The following SLC25A36 variants were observed in gnomAD, a reference collection of about 807,000 sequenced individuals.
The protein encoded by SLC25A36 is epididymis secretory sperm binding protein.
Under a neutral mutation model 35.3 loss-of-function variants are expected in SLC25A36, and 24 were observed. The ratio of observed to expected loss-of-function variants is 0.68; its 90% confidence interval spans 0.49 to 0.96. SLC25A36 has a LOEUF of 0.96. SLC25A36 is among the 40% of genes least tolerant of loss of function. The probability of loss-of-function intolerance (pLI) is 0.00; values close to 1 mark genes in which losing one functional copy is unlikely to be tolerated. For missense variants in SLC25A36, 294 were observed against 381.1 expected (o/e 0.77, Z 1.90); for synonymous variants, 141 against 132.2 (o/e 1.07, Z -0.46).
chr3:140,969,199 C>T (rs1266376435), intron 4 of SLC25A36, among the ~76,000 whole-genome samples: 1 of 151,766 alleles, frequency 6.6e-6, no homozygotes, highest in African/African-American at 2.4e-5. Flanking sequence ...AAATAATACT[C>T]TATAACTTTA....
chr3:140,943,264 A>C (rs1235827815), intron 1 of SLC25A36, among the ~76,000 whole-genome samples: 1 of 152,218 alleles, frequency 6.6e-6, no homozygotes, highest in East Asian at 1.9e-4. Context: ...AGAAATACAC[A>C]CGCAGTTCTA....
chr3:140,948,775 T>G lies in SLC25A36; in HGVS notation c.41+6680T>G, dbSNP rs142485266. On this transcript the variant is annotated intron_variant, in intron 1 of 6. Transcript: ENST00000324194. ...ACATATATCTAACAGTGCCTTGGAT[T>G]TTTTCCAGTCCTTTTAAAGCTGGGG... is the stretch of plus-strand genomic sequence containing the variant. 9.1e-3 allele frequency among the ~76,000 whole-genome samples: 1,389 copies of G among 152,308 alleles called. 10 individuals are homozygous for G. The highest frequency in any genetic ancestry group is 0.016 in the Non-Finnish European group (1,109 of 68,026).
chr3:140,959,443 A>T lies in SLC25A36; in HGVS notation c.207-20A>T, dbSNP rs1250533180. On this transcript the variant is annotated intron_variant, in intron 2 of 6. Coordinates refer to ENST00000324194, the MANE Select transcript of SLC25A36 (RefSeq NM_001104647.3). ...GACTTTGAAAGATATTTCTGATAGAATTTTTTTTCTCTCTTTCAGGGTGAT... is the reference window on the plus strand; with the variant it reads ...GACTTTGAAAGATATTTCTGATAGATTTTTTTTTCTCTCTTTCAGGGTGAT... The T allele has an allele frequency of 1.5e-6, 2 of 1,374,084 alleles. No individual in the cohort carries two copies. The highest frequency in any genetic ancestry group is 2.0e-6 in the Non-Finnish European group (2 of 1,021,286). The allele number at this position is 1,374,084 out of a possible 1,614,324, so 85.1% of individuals were successfully genotyped here. A position where few individuals can be genotyped will look rare whatever the true frequency, so the allele number is the denominator to read the frequency against.
At chr3:140,949,344 A>T (rs1339993283) in intron 1 of SLC25A36, among the ~76,000 whole-genome samples, 2 of 152,254 alleles carry the variant, frequency 1.3e-5, no homozygotes, top group Non-Finnish European at 2.9e-5. Context: ...TCCACATTCC[A>T]GTAAATTACC....
At chr3:140,965,865 A>C (rs1361282463) in intron 4 of SLC25A36, 2 of 151,780 alleles carry the variant, frequency 1.3e-5, no homozygotes, top group Non-Finnish European at 3.0e-5. Flanking sequence ...TGTTTAAATT[A>C]ACTTGTATAT....
Position 140,947,755 on chromosome 3 carries a change from G to A in SLC25A36, c.41+5660G>A, listed in dbSNP as rs376049852. Among the ~76,000 whole-genome samples, 76 of 152,262 alleles carry A rather than the reference G, an allele frequency of 5.0e-4. 1 individual carries two copies. The South Asian group carries it at 0.013, about 27-fold the overall frequency. ...AAAATGCTGTGTTATTCTCAAGCAC[G>A]CATTGCTGACTTTTCCTAAGTTGGT... On this transcript the variant is annotated intron_variant, in intron 1 of 6. Coordinates refer to ENST00000324194, the MANE Select transcript of SLC25A36 (RefSeq NM_001104647.3).
At chr3:140,974,401 C>T (rs1934984101) in intron 6 of SLC25A36, among the ~76,000 whole-genome samples, 1 of 151,892 alleles carries the variant, frequency 6.6e-6, no homozygotes, top group Admixed American at 6.6e-5. Flanking sequence ...CAGAATTGTT[C>T]TCCTTTTCAA....
In SLC25A36 at chr3:140,959,552, A is replaced by G. The variant is rs776290295; in HGVS notation, c.284+12A>G. 3.5e-6 allele frequency: 5 copies of G among 1,416,920 alleles called. No homozygotes were observed. The highest frequency in any genetic ancestry group is 4.6e-6 in the Non-Finnish European group (5 of 1,080,360). 87.8% of individuals were successfully genotyped at this position (1,416,920 alleles called of 1,614,324 possible). On this transcript the variant is annotated intron_variant, in intron 3 of 6. Coordinates refer to ENST00000324194, the MANE Select transcript of SLC25A36 (RefSeq NM_001104647.3). ...GTAGCCCCTTCCAGGTAAAAAAAAA[A>G]AAAAATTGTTTAAAGCAAGTTATGG...
At chr3:140,961,892 C>T (rs904229624) in intron 3 of SLC25A36, among the ~76,000 whole-genome samples, 7 of 130,544 alleles carry the variant, frequency 5.4e-5, no homozygotes, top group African/African-American at 2.0e-4. Context: ...AAAAGGCATA[C>T]TGGATTTTTA....
chr3:140,955,947 C>T (rs150520686), intron 1 of SLC25A36, among the ~76,000 whole-genome samples: 94 of 152,296 alleles, frequency 6.2e-4, no homozygotes, highest in African/African-American at 2.2e-3. Context: ...CTTGTCTCCT[C>T]CCAAAGCTCT....
chr3:140,951,593 C>G (rs544509910), intron 1 of SLC25A36, among the ~76,000 whole-genome samples: 282 of 152,078 alleles, frequency 1.9e-3, no homozygotes, highest in Non-Finnish European at 2.9e-3. Flanking sequence ...AAACAGTCCT[C>G]CCACCTCAGA....
intron 3 of SLC25A36, among the ~76,000 whole-genome samples, chr3:140,961,855 C>CA (rs553759457): frequency 0.16 from 5,634 of 35,746 alleles, 1,359 homozygotes; most frequent in South Asian, 0.22. Context: ...GGCTCCGTCT[C>CA]AAAAAAAAAA....
At chr3:140,952,690 A>AT (rs1482786308) in intron 1 of SLC25A36, among the ~76,000 whole-genome samples, 6 of 152,198 alleles carry the variant, frequency 3.9e-5, no homozygotes, top group African/African-American at 1.4e-4. Flanking sequence ...CGTGTGAGGC[A>AT]TAGGTATTGT....
At chr3:140,950,352 G>C (rs1416845306) in intron 1 of SLC25A36, among the ~76,000 whole-genome samples, 4 of 150,202 alleles carry the variant, frequency 2.7e-5, no homozygotes, top group Non-Finnish European at 5.9e-5. Context: ...CATATGGTCA[G>C]CTGTGTTCAT....
At chr3:140,953,843 G>T (rs944363868) in intron 1 of SLC25A36, among the ~76,000 whole-genome samples, 3 of 152,144 alleles carry the variant, frequency 2.0e-5, no homozygotes, top group Non-Finnish European at 4.4e-5. Context: ...GGTGGCATGT[G>T]CCTGTAGTCC....
rs1453496185 is a variant in SLC25A36 at position 140,941,863 on chromosome 3, G to C, written c.-192G>C. 9.9e-6 allele frequency: 5 copies of C among 503,886 alleles called. No homozygotes were observed. The highest frequency in any genetic ancestry group is 1.1e-5 in the Non-Finnish European group (3 of 280,818). 31.2% of individuals were successfully genotyped at this position (503,886 alleles called of 1,614,324 possible). On this transcript the variant is annotated 5_prime_UTR_variant, in exon 1 of 7. Coordinates refer to ENST00000324194, the MANE Select transcript of SLC25A36 (RefSeq NM_001104647.3). ...CCTCTGGTGAAGGGCGGCGCGCTTAGGCAGGCGGTGGCGCGGCTGGAGTGC... is the reference window on the plus strand; with the variant it reads ...CCTCTGGTGAAGGGCGGCGCGCTTACGCAGGCGGTGGCGCGGCTGGAGTGC...
chr3:140,949,926 T>C (rs985819681), intron 1 of SLC25A36, among the ~76,000 whole-genome samples: 1 of 152,216 alleles, frequency 6.6e-6, no homozygotes, highest in African/African-American at 2.4e-5. Flanking sequence ...TCCACATCAC[T>C]GGATCAGAGG....
intron 2 of SLC25A36, among the ~76,000 whole-genome samples, chr3:140,958,731 C>T (rs2107795944): frequency 1.3e-5 from 2 of 152,206 alleles, no homozygotes; most frequent in South Asian, 4.1e-4. Flanking sequence ...TAGGAAGGAA[C>T]TACATTTCTA....
chr3:140,977,732 G>C lies in SLC25A36; in HGVS notation c.*1279G>C, dbSNP rs1046928367. 6.6e-6 allele frequency: 1 copy of C among 152,100 alleles called. No individual in the cohort carries two copies. The highest frequency in any genetic ancestry group is 1.5e-5 in the Non-Finnish European group (1 of 68,004). The allele number at this position is 152,100 out of a possible 1,614,324, so 9.4% of individuals were successfully genotyped here. A position where few individuals can be genotyped will look rare whatever the true frequency, so the allele number is the denominator to read the frequency against. On this transcript the variant is annotated 3_prime_UTR_variant, in exon 7 of 7. Coordinates refer to ENST00000324194, the MANE Select transcript of SLC25A36 (RefSeq NM_001104647.3). The stretch of plus-strand genomic sequence containing the variant: ...TTATAAAGGTGTTTGCTGTAATTCT[G>C]TTAAAAGACTTCGCCTATGCCATAC...
Sources: allele counts gnomAD v4.1 joint callset (sites outside exome capture counted in the v4.1 genomes callset), GRCh38; gene constraint gnomAD v4.1.1; transcripts MANE v1.5; gene names NCBI Gene and HGNC (gene_info 2026-07-23, HGNC 2026-07-21).